Variants in CSMD2 observed in about 807,000 individuals in gnomAD.
CSMD2 encodes the protein CUB and Sushi multiple domains 2, also known as CUB and sushi domain-containing protein 2.
CSMD2 carries 130 observed loss-of-function variants against 398.5 expected under a neutral mutation model. The ratio of observed to expected loss-of-function variants is 0.33; its 90% CI spans 0.28 to 0.38. CSMD2 has a LOEUF of 0.38. CSMD2 is among the 10% of genes least tolerant of loss of function. The pLI, the probability that CSMD2 is intolerant of heterozygous loss-of-function variation, is 1.00. For missense variants in CSMD2, 3,829 were observed against 4,764.9 expected (o/e 0.80, Z 5.78); for synonymous variants, 1,828 against 1,908.5 (o/e 0.96, Z 1.10).
chr1:33,973,279 C>T (rs910738124), intron 3 of CSMD2, among the ~76,000 whole-genome samples: 1 of 152,182 alleles, frequency 6.6e-6, no homozygotes, highest in African/African-American at 2.4e-5. Context: ...TAAGCAGACT[C>T]GGAGGAGGAG....
intron 1 of CSMD2, among the ~76,000 whole-genome samples, chr1:34,150,532 C>T (rs1317895856): frequency 6.6e-6 from 1 of 152,114 alleles, no homozygotes; most frequent in African/African-American, 2.4e-5. Flanking sequence ...GTTTCCTCAA[C>T]TGCAAAATGA....
chr1:33,981,126 G>A (rs543038364), intron 3 of CSMD2, among the ~76,000 whole-genome samples: 1 of 152,334 alleles, frequency 6.6e-6, no homozygotes, highest in South Asian at 2.1e-4. Flanking sequence ...CAGAGGCAGT[G>A]GGTGATGTGA....
At chr1:33,723,430 G>A (rs2149199382) in intron 19 of CSMD2, among the ~76,000 whole-genome samples, 1 of 152,362 alleles carries the variant, frequency 6.6e-6, no homozygotes, top group East Asian at 1.9e-4. Flanking sequence ...GAGGCTAGAA[G>A]CCAAATCTGC....
chr1:33,819,819 C>A lies in CSMD2; in HGVS notation c.1218G>T (p.Gln406His). Residue 406 changes from glutamine (Q) to histidine (H), a missense_variant, in exon 9 of 71, where the codon CAG becomes CAT. This residue lies in a region of CSMD2 where 2,001 missense variants were observed against 2,567.1 expected (regional missense o/e 0.78). Coordinates refer to ENST00000373381, the MANE Select transcript of CSMD2 (RefSeq NM_001281956.2). ...GSDFRLGSSV[Q>H]FTCNEGYDLQ... Reference sequence around the variant, plus strand: ...GGTCATAGCCCTCGTTGCAGGTGAACTGGACGCTGGATCCTAACCTGGGAG... The same window carrying A: ...GGTCATAGCCCTCGTTGCAGGTGAAATGGACGCTGGATCCTAACCTGGGAG... 1.2e-6 allele frequency: 2 copies of A among 1,614,140 alleles called. No individual in the cohort carries two copies. Among genetic ancestry groups the A allele is most frequent in the Non-Finnish European group, 1.7e-6 (2 of 1,180,008 alleles).
chr1:34,130,862 G>C, intron 1 of CSMD2, among the ~76,000 whole-genome samples: 1 of 151,864 alleles, frequency 6.6e-6, no homozygotes, highest in Non-Finnish European at 1.5e-5. Flanking sequence ...CCCGTCCCAG[G>C]TCCCCATCTC....
intron 1 of CSMD2, among the ~76,000 whole-genome samples, chr1:34,102,984 C>G (rs1419820202): frequency 6.6e-6 from 1 of 152,162 alleles, no homozygotes; most frequent in Non-Finnish European, 1.5e-5. Flanking sequence ...TCTGCTCTAT[C>G]TCTAGCTCGC....
At chr1:34,165,248 G>A, upstream of CSMD2, 1 of 1,181,466 alleles carries the variant, frequency 8.5e-7, no homozygotes, top group Non-Finnish European at 1.0e-6. Flanking sequence ...GTGTCCGCCC[G>A]GCCGGGGAGA....
At chr1:34,137,667 G>A (rs901052264) in intron 1 of CSMD2, among the ~76,000 whole-genome samples, 3 of 152,136 alleles carry the variant, frequency 2.0e-5, no homozygotes, top group Non-Finnish European at 2.9e-5. Flanking sequence ...GGCCCAACCT[G>A]GCTAAAGCAA....
chr1:33,724,614 A>G lies in CSMD2; in HGVS notation c.2786T>C (p.Val929Ala). 6.2e-7 allele frequency: 1 copy of G among 1,614,178 alleles called. No homozygotes were observed. The highest frequency in any genetic ancestry group is 8.5e-7 in the Non-Finnish European group (1 of 1,180,032). Residue 929 changes from valine to alanine, a missense_variant, in exon 18 of 71, where the codon GTG (valine) becomes GCG (alanine). Coordinates refer to ENST00000373381, the MANE Select transcript of CSMD2 (RefSeq NM_001281956.2). ...HGNDFYVGAL[V>A]TFSCDSGYTL... ...GTAGCCCGAGTCACAGCTGAAGGTC[A>G]CCAGCGCGCCCACGTAGAAGTCATT...
At chr1:33,790,754 CTGTG>C (rs1358805174) in intron 11 of CSMD2, among the ~76,000 whole-genome samples, 1 of 151,902 alleles carries the variant, frequency 6.6e-6, no homozygotes, top group Non-Finnish European at 1.5e-5. Context: ...TATCATCTAT[CTGTG>C]TATCATCTAT....
At chr1:33,976,108 T>C (rs1645953631) in intron 3 of CSMD2, among the ~76,000 whole-genome samples, 1 of 152,232 alleles carries the variant, frequency 6.6e-6, no homozygotes, top group African/African-American at 2.4e-5. Context: ...CCCGGGTTGC[T>C]GTCTCACCTG....
chr1:33,692,883 T>A (rs778975561), intron 25 of CSMD2, 47 bp downstream of exon 25: 1 of 1,599,294 alleles, frequency 6.3e-7, no homozygotes, highest in Non-Finnish European at 8.5e-7. Context: ...TGATGATGGC[T>A]CCCCTGAACA....
intron 3 of CSMD2, among the ~76,000 whole-genome samples, chr1:33,981,699 A>G (rs1646173589): frequency 6.6e-6 from 1 of 152,232 alleles, no homozygotes. Context: ...CAGCAATGAC[A>G]CTGCCAAGTA....
intron 49 of CSMD2, 127 bp downstream of exon 49, chr1:33,577,169 C>T (rs1638323887): frequency 4.5e-6 from 4 of 897,750 alleles, no homozygotes; most frequent in Non-Finnish European, 6.7e-6. Flanking sequence ...CTTGTAAATG[C>T]TTGTGGAAAG....
intron 68 of CSMD2, 55 bp from the exon 69 acceptor site, chr1:33,520,005 T>C: frequency 6.2e-7 from 1 of 1,600,518 alleles, no homozygotes; most frequent in East Asian, 2.2e-5. Flanking sequence ...TGAGGCTCCG[T>C]TGGCTACCCT....
intron 1 of CSMD2, among the ~76,000 whole-genome samples, chr1:34,101,934 T>A (rs1341002986): frequency 6.6e-6 from 1 of 152,216 alleles, no homozygotes; most frequent in African/African-American, 2.4e-5. Flanking sequence ...CTTTATAGAG[T>A]CAGAATTTTA....
intron 5 of CSMD2, chr1:33,864,552 G>A (rs753176831): frequency 4.3e-6 from 7 of 1,613,956 alleles, no homozygotes; most frequent in South Asian, 1.1e-5. Context: ...CTGGTCGGTG[G>A]TGCAGGTGGC....
rs188276720 is a variant in CSMD2, at chr1:34,152,958, C to T, written c.187+11953G>A. ...ATGAATTTGCCTGTGCTAAATACCT[C>T]ACACATCAGTGAAAGCATATGGTAG... On this transcript the variant is annotated intron_variant, in intron 1 of 70. Coordinates refer to ENST00000373381, the MANE Select transcript of CSMD2 (RefSeq NM_001281956.2). 1.1e-4 allele frequency among the ~76,000 whole-genome samples: 16 copies of T among 152,332 alleles called. No homozygotes were observed. The East Asian group carries it at 3.1e-3, about 29-fold the overall frequency.
intron 10 of CSMD2, among the ~76,000 whole-genome samples, chr1:33,795,268 T>C (rs539383957): frequency 6.6e-6 from 1 of 152,248 alleles, no homozygotes; most frequent in Admixed American, 6.5e-5. Context: ...GATTTGTCAA[T>C]AGTGAGTGGG....
Sources: allele counts gnomAD v4.1 joint callset (sites outside exome capture counted in the v4.1 genomes callset), GRCh38; gene constraint gnomAD v4.1.1; regional missense constraint gnomAD v4.1.1; transcripts MANE v1.5; gene names NCBI Gene and HGNC (gene_info 2026-07-23, HGNC 2026-07-21).